DST: variants seen among roughly 807,000 people sequenced by gnomAD.
DST encodes bullous pemphigoid antigen.
In DST, 253 loss-of-function variants were observed where a neutral mutation model predicts 875.2. That is an observed-to-expected ratio of 0.29 (90% CI 0.26 to 0.32). The LOEUF (loss-of-function observed/expected upper bound fraction) is 0.32. Ranked by LOEUF, DST falls within the 10% of genes least tolerant of loss-of-function variation. The probability of loss-of-function intolerance (pLI) is 1.00; values close to 1 mark genes in which losing one functional copy is unlikely to be tolerated. For missense variants in DST, 8,287 were observed against 9,111.6 expected, an observed-to-expected ratio of 0.91 and a Z score of 3.68; for synonymous variants, 3,124 against 3,197.1, an observed-to-expected ratio of 0.98 and a Z score of 0.77.
chr6:56,677,423 C>G (rs964949160), intron 9 of DST, among the ~76,000 whole-genome samples: 1 of 152,042 alleles, frequency 6.6e-6, no homozygotes, highest in African/African-American at 2.4e-5. Flanking sequence ...CTCAACTGAT[C>G]CTCCCACCTC....
At chr6:56,835,408 C>T (rs1183601242) in intron 4 of DST, among the ~76,000 whole-genome samples, 2 of 151,976 alleles carry the variant, frequency 1.3e-5, no homozygotes, top group African/African-American at 4.8e-5. Context: ...ACAAATGTAC[C>T]ACACCAGTAC....
intron 12 of DST, among the ~76,000 whole-genome samples, chr6:56,649,602 A>C (rs1308017059): frequency 2.6e-5 from 4 of 152,086 alleles, no homozygotes; most frequent in Admixed American, 2.6e-4. Flanking sequence ...GGGTGCTGAA[A>C]GAGTGGATAA....
chr6:56,735,878 A>T (rs1419082244), intron 4 of DST, among the ~76,000 whole-genome samples: 1 of 151,978 alleles, frequency 6.6e-6, no homozygotes, highest in Non-Finnish European at 1.5e-5. Flanking sequence ...TTTGATATGG[A>T]ATCTCACTCT....
At chr6:56,779,814 T>A in intron 4 of DST, among the ~76,000 whole-genome samples, 1 of 150,530 alleles carries the variant, frequency 6.6e-6, no homozygotes, top group Non-Finnish European at 1.5e-5. Flanking sequence ...CATGCTGGTG[T>A]GCTGCACCCA....
At chr6:56,692,847 TTC>T in intron 9 of DST, 1 of 1,289,816 alleles carries the variant, frequency 7.8e-7, no homozygotes, top group Non-Finnish European at 1.0e-6. Context: ...CAGCTACAAC[TTC>T]TGTCTTCTTT....
chr6:56,687,433 A>G lies in DST; in HGVS notation c.1047+12220T>C, dbSNP rs553107386. On this transcript the variant is annotated intron_variant, in intron 9 of 103. Coordinates refer to ENST00000680361, the MANE Select transcript of DST (RefSeq NM_001374736.1). ...CTGGAATTCAGTTCCTGTTCCCACT[A>G]TTTTCTAGCCCTGTGACTTCTCTGG... Among the ~76,000 whole-genome samples, 6 of 152,106 alleles carry G rather than the reference A, an allele frequency of 3.9e-5. No individual in the cohort carries two copies. In the East Asian group the frequency reaches 1.2e-3, roughly 29 times the overall value.
intron 49 of DST, among the ~76,000 whole-genome samples, chr6:56,584,841 A>C (rs2098113151): frequency 6.6e-6 from 1 of 152,100 alleles, no homozygotes; most frequent in Non-Finnish European, 1.5e-5. Context: ...TTCTGCATCT[A>C]TTGAGATAAT....
rs764890112 is a variant in DST, at chr6:56,552,754, T to G, written c.16038A>C (p.Ser5346=). The change falls in exon 61 of 104, where the codon TCA becomes TCC. Residue 5346 remains serine, a synonymous_variant. Transcript: ENST00000680361. ...GTAATAAAACATCAGAGGTTCCCTTTGAGTCTGAGGCCTCTACCACAAGGT... is the reference window on the plus strand; with the variant it reads ...GTAATAAAACATCAGAGGTTCCCTTGGAGTCTGAGGCCTCTACCACAAGGT... ...AQDLVVEASD[S]KGTSDVLLQV... The G allele has an allele frequency of 6.2e-7, 1 of 1,610,456 alleles. No individual in the cohort carries two copies. Among genetic ancestry groups the G allele is most frequent in the South Asian group, 1.1e-5 (1 of 91,088 alleles).
chr6:56,464,417 CACAT>C lies in DST; in HGVS notation c.22759+264_22759+267del, dbSNP rs1461415613. On this transcript the variant is annotated intron_variant, in intron 100 of 103. Coordinates refer to ENST00000680361, the MANE Select transcript of DST (RefSeq NM_001374736.1). ...GTCAGTGATGCAGCACTCATACAAACACATACGCACACGGAGAACACTCCACAAG... is the reference window on the plus strand; with the variant it reads ...GTCAGTGATGCAGCACTCATACAAACACGCACACGGAGAACACTCCACAAG... 6 of 482,490 alleles carry C rather than the reference CACAT, an allele frequency of 1.2e-5. No individual in the cohort carries two copies. The Admixed American group carries it at 2.2e-4, about 18-fold the overall frequency. 29.9% of individuals were successfully genotyped at this position (482,490 alleles called of 1,614,324 possible).
chr6:56,734,753 C>A (rs1173628693), intron 5 of DST, among the ~76,000 whole-genome samples: 1 of 152,066 alleles, frequency 6.6e-6, no homozygotes, highest in East Asian at 1.9e-4. Context: ...ACATAAGCAC[C>A]AATCACTGGA....
chr6:56,740,269 C>T (rs1364572518), intron 4 of DST, among the ~76,000 whole-genome samples: 1 of 152,128 alleles, frequency 6.6e-6, no homozygotes, highest in Non-Finnish European at 1.5e-5. Flanking sequence ...GAATCTGGAC[C>T]CCTGTCCTGT....
chr6:56,583,243 C>T (rs1409315770), intron 49 of DST, among the ~76,000 whole-genome samples: 1 of 152,220 alleles, frequency 6.6e-6, no homozygotes, highest in Non-Finnish European at 1.5e-5. Flanking sequence ...TTCTCCACAG[C>T]CTCTCCAGCA....
Position 56,609,091 on chromosome 6 carries a change from G to A in DST, c.5537C>T (p.Ser1846Phe). 6.2e-7 allele frequency: 1 copy of A among 1,613,808 alleles called. No individual in the cohort carries two copies. The highest frequency in any genetic ancestry group is 1.3e-5 in the African/African-American group (1 of 75,028). The part of the protein sequence containing the change: ...KELSKAKEII[S>F]AASPTTIPVL... ...TGGAATTGTGGTAGGTGACGCAGCAGAAATAATCTCCTTAGCTTTACTTAG... is the reference window on the plus strand; with the variant it reads ...TGGAATTGTGGTAGGTGACGCAGCAAAAATAATCTCCTTAGCTTTACTTAG... The change falls in exon 40 of 104, where the codon TCT (serine) becomes TTT (phenylalanine). Residue 1846 changes from serine to phenylalanine, a missense_variant. Physicochemically the swap from Ser to Phe is radical, Grantham distance 155 (BLOSUM62 -2). This residue lies in a region of DST where 3,138 missense variants were observed against 3,116.6 expected (regional missense o/e 1.01). Coordinates refer to ENST00000680361, the MANE Select transcript of DST (RefSeq NM_001374736.1).
intron 4 of DST, among the ~76,000 whole-genome samples, chr6:56,823,397 A>C (rs2099775457): frequency 1.3e-5 from 2 of 152,142 alleles, no homozygotes; most frequent in South Asian, 4.1e-4. Flanking sequence ...GCATGAAATA[A>C]GGAAATGTGT....
chr6:56,954,329 G>A, intron 1 of DST, 78 bp downstream of exon 1: 2 of 1,145,728 alleles, frequency 1.7e-6, no homozygotes, highest in South Asian at 2.9e-5. Flanking sequence ...GAGGAGAAGG[G>A]AGCGAGCCGC....
In DST at chr6:56,600,210, C is replaced by G; in HGVS notation, c.11553G>C (p.Glu3851Asp). 1 of 1,612,000 alleles carries G rather than the reference C, an allele frequency of 6.2e-7. No individual in the cohort carries two copies. The highest frequency in any genetic ancestry group is 8.5e-7 in the Non-Finnish European group (1 of 1,178,750). ...QDLDDQKIVA[E>D]RQQEYKEKLQ... Reference sequence around the variant, plus strand: ...GTTTCTCTTTATACTCCTGCTGACGCTCTGCTACAATCTAAAGTGAAGAAA... The same window carrying G: ...GTTTCTCTTTATACTCCTGCTGACGGTCTGCTACAATCTAAAGTGAAGAAA... The change falls in exon 45 of 104, where the codon GAG (glutamate) becomes GAC (aspartate). Residue 3851 changes from glutamate to aspartate, a missense_variant. Glu to Asp is a conservative substitution (Grantham distance 45). This residue lies in a region of DST where 3,138 missense variants were observed against 3,116.6 expected (regional missense o/e 1.01). Transcript: ENST00000680361.
At chr6:56,804,691 A>G (rs2099751104) in intron 4 of DST, among the ~76,000 whole-genome samples, 2 of 151,824 alleles carry the variant, frequency 1.3e-5, no homozygotes, top group South Asian at 4.1e-4. Context: ...AAGCCAAACT[A>G]TAATCCTCCC....
At chr6:56,631,775 G>A (rs1207940216) in intron 29 of DST, 108 bp downstream of exon 29, 1 of 984,854 alleles carries the variant, frequency 1.0e-6, no homozygotes, top group East Asian at 2.4e-5. Context: ...CCTCACACTA[G>A]ACTGGCTAGT....
At chr6:56,548,194 A>C (rs973936937) in intron 61 of DST, among the ~76,000 whole-genome samples, 7 of 152,224 alleles carry the variant, frequency 4.6e-5, no homozygotes, top group Non-Finnish European at 8.8e-5. Flanking sequence ...AGCTTAAAAA[A>C]ATGGCAAAAA....
Sources: gnomAD v4.1 joint callset for allele counts (sites outside exome capture counted in the v4.1 genomes callset) on GRCh38, gnomAD v4.1.1 for gene constraint, gnomAD v4.1.1 regional missense constraint, MANE v1.5 for transcripts, NCBI Gene and HGNC (gene_info 2026-07-23, HGNC 2026-07-21) for gene names.